Variants in NBEAL1 observed in about 807,000 individuals in gnomAD.
NBEAL1 encodes the protein neurobeachin like 1.
Under a neutral mutation model 351.3 loss-of-function variants are expected in NBEAL1, and 273 were observed. The ratio of observed to expected loss-of-function variants is 0.78; its 90% CI spans 0.70 to 0.86. The LOEUF is 0.86. Ranked by LOEUF, NBEAL1 falls within the 40% of genes least tolerant of loss-of-function variation. NBEAL1 has a pLI of 0.00. For synonymous variants in NBEAL1, 1,050 were observed against 1,086.4 expected, an observed-to-expected ratio of 0.97 and a Z score of 0.66; for missense variants, 2,961 against 3,201.3, an observed-to-expected ratio of 0.92 and a Z score of 1.81.
At chr2:203,055,256 C>G (rs1574905436) in intron 4 of NBEAL1, among the ~76,000 whole-genome samples, 3 of 152,220 alleles carry the variant, frequency 2.0e-5, no homozygotes, top group Admixed American at 2.0e-4. Context: ...TTGCCTCTGC[C>G]TGTACCCTGT....
intron 24 of NBEAL1, among the ~76,000 whole-genome samples, chr2:203,128,400 G>T (rs1188223649): frequency 6.7e-6 from 1 of 150,040 alleles, no homozygotes; most frequent in Admixed American, 6.7e-5. Flanking sequence ...GAGCCACCAC[G>T]CCAGGCCAGA....
chr2:203,146,797 C>G (rs2063524994), intron 33 of NBEAL1, among the ~76,000 whole-genome samples: 1 of 151,480 alleles, frequency 6.6e-6, no homozygotes, highest in African/African-American at 2.4e-5. Flanking sequence ...GTCTCAAGAA[C>G]AATAATAATA....
At chr2:203,104,244 T>C (rs1020698060) in intron 12 of NBEAL1, among the ~76,000 whole-genome samples, 2 of 152,186 alleles carry the variant, frequency 1.3e-5, no homozygotes, top group African/African-American at 4.8e-5. Context: ...TGAGTGTGTA[T>C]ATATATTTAA....
chr2:203,183,731 G>T (rs2064803520), intron 44 of NBEAL1, among the ~76,000 whole-genome samples: 1 of 152,034 alleles, frequency 6.6e-6, no homozygotes, highest in South Asian at 2.1e-4. Context: ...ATCTAATAAG[G>T]ATGAGTACAT....
chr2:203,205,848 G>A (rs1365700525), intron 51 of NBEAL1, among the ~76,000 whole-genome samples: 1 of 152,192 alleles, frequency 6.6e-6, no homozygotes, highest in South Asian at 2.1e-4. Context: ...TAAATATAGT[G>A]CACTACGCAC....
At chr2:203,159,005 G>A (rs944443348) in intron 36 of NBEAL1, among the ~76,000 whole-genome samples, 33 of 151,672 alleles carry the variant, frequency 2.2e-4, no homozygotes, top group African/African-American at 7.3e-4. Context: ...TTTTTACGGA[G>A]ACAGGGTCTC....
chr2:203,157,443 C>G (rs1337536745), intron 35 of NBEAL1, among the ~76,000 whole-genome samples: 2 of 152,094 alleles, frequency 1.3e-5, no homozygotes, highest in East Asian at 3.9e-4. Flanking sequence ...TGGCCTATTT[C>G]TGAAACAAAT....
chr2:203,066,842 C>T (rs2061598370), intron 6 of NBEAL1, among the ~76,000 whole-genome samples: 1 of 146,950 alleles, frequency 6.8e-6, no homozygotes, highest in African/African-American at 2.5e-5. Flanking sequence ...AGGCGCTCCT[C>T]ACATCCCAGA....
intron 7 of NBEAL1, among the ~76,000 whole-genome samples, chr2:203,069,630 A>G (rs1401573756): frequency 6.6e-6 from 1 of 152,180 alleles, no homozygotes; most frequent in Non-Finnish European, 1.5e-5. Context: ...AAAGTATTGT[A>G]TATTGTATGC....
rs763164018 is a variant in NBEAL1, at chr2:203,144,693, G to A, written c.4942G>A (p.Glu1648Lys). The A allele has an allele frequency of 1.2e-6, 2 of 1,614,066 alleles. No individual in the cohort carries two copies. Among genetic ancestry groups the A allele is most frequent in the South Asian group, 2.2e-5 (2 of 91,078 alleles). ...DEACYILGKL[E>K]HVLSQSIKEQ... is the part of the protein sequence containing the mutation. ...AGCATGTTACATTTTAGGGAAGCTG[G>A]AACATGTTCTAAGTCAATCAATCAA... Residue 1648 changes from glutamate to lysine, a missense_variant, in exon 32 of 56, where the codon GAA (glutamate) becomes AAA (lysine). Physicochemically the swap from Glu to Lys is moderately conservative, Grantham distance 56. Coordinates refer to ENST00000683969, the MANE Select transcript of NBEAL1 (RefSeq NM_001378026.1).
At chr2:203,089,747 A>C (rs2062030267) in intron 10 of NBEAL1, among the ~76,000 whole-genome samples, 1 of 152,238 alleles carries the variant, frequency 6.6e-6, no homozygotes, top group East Asian at 1.9e-4. Flanking sequence ...ACCACATTTT[A>C]AAGACAGTTA....
intron 49 of NBEAL1, among the ~76,000 whole-genome samples, chr2:203,200,870 C>T (rs2065378813): frequency 6.6e-6 from 1 of 152,052 alleles, no homozygotes; most frequent in African/African-American, 2.4e-5. Context: ...CTTTCTTATC[C>T]CACATAGTAC....
chr2:203,158,115 A>C (rs890116999), intron 36 of NBEAL1, among the ~76,000 whole-genome samples: 8 of 152,206 alleles, frequency 5.3e-5, no homozygotes, highest in African/African-American at 1.9e-4. Context: ...ATGGAAATGT[A>C]CAGCACAAAA....
At chr2:203,203,278 A>G (rs976526872) in intron 51 of NBEAL1, among the ~76,000 whole-genome samples, 8 of 150,528 alleles carry the variant, frequency 5.3e-5, no homozygotes, top group African/African-American at 2.0e-4. Context: ...TGTAACTGGG[A>G]TTACAGGCAC....
intron 2 of NBEAL1, among the ~76,000 whole-genome samples, chr2:203,024,774 A>G (rs1249416905): frequency 6.6e-6 from 1 of 151,954 alleles, no homozygotes; most frequent in Admixed American, 6.6e-5. Flanking sequence ...AGGCAGGAGA[A>G]TCGCTTGAAC....
intron 46 of NBEAL1, among the ~76,000 whole-genome samples, chr2:203,192,738 A>G (rs2105784914): frequency 6.6e-6 from 1 of 152,128 alleles, no homozygotes; most frequent in South Asian, 2.1e-4. Context: ...GCCTATAATC[A>G]ATATTTTTTT....
rs1224977739 is a variant in NBEAL1, at chr2:203,155,324, C to T, written c.5588-2375C>T. ...ATTAGACATGCTGTTTTCTGATTGGCAAACTTAACAACTTATTTTTGGTCC... is the reference window on the plus strand; with the variant it reads ...ATTAGACATGCTGTTTTCTGATTGGTAAACTTAACAACTTATTTTTGGTCC... On this transcript the variant is annotated intron_variant, in intron 35 of 55. Transcript: ENST00000683969. Among the ~76,000 whole-genome samples, 4 of 151,470 alleles carry T rather than the reference C, an allele frequency of 2.6e-5. No homozygotes were observed. The East Asian group carries it at 7.7e-4, about 29-fold the overall frequency.
chr2:203,093,418 G>A lies in NBEAL1; in HGVS notation c.1099-4129G>A, dbSNP rs116323465. Among the ~76,000 whole-genome samples, 1,444 of 152,154 alleles carry A rather than the reference G, an allele frequency of 9.5e-3. 29 individuals carry two copies. The highest frequency in any genetic ancestry group is 0.033 in the African/African-American group (1,383 of 41,500). On this transcript the variant is annotated intron_variant, in intron 10 of 55. Coordinates refer to ENST00000683969, the MANE Select transcript of NBEAL1 (RefSeq NM_001378026.1). The stretch of plus-strand genomic sequence containing the variant: ...GCTGTTTGTCATAGCTATCATGATG[G>A]TGAGCTAATATTTGTTCTTTATAGG...
rs532133697 is a variant in NBEAL1, at chr2:203,092,983, A to T, written c.1099-4564A>T. Among the ~76,000 whole-genome samples, 5 of 152,310 alleles carry T rather than the reference A, an allele frequency of 3.3e-5. No individual in the cohort carries two copies. The South Asian group carries it at 1.0e-3, about 32-fold the overall frequency. ...TGCGGTAGCTCACACCTGTAATCCC[A>T]GCACTTTGGGAGGCTGAGGCAGGCG... On this transcript the variant is annotated intron_variant, in intron 10 of 55. Transcript: ENST00000683969.
Sources: gnomAD v4.1 joint callset for allele counts (sites outside exome capture counted in the v4.1 genomes callset) on GRCh38, gnomAD v4.1.1 for gene constraint, MANE v1.5 for transcripts, NCBI Gene and HGNC (gene_info 2026-07-23, HGNC 2026-07-21) for gene names.